SLURP1: variants seen among roughly 807,000 people sequenced by gnomAD.
SLURP1 encodes secreted Ly-6/uPAR-related protein 1.
Under a neutral mutation model 7.9 loss-of-function variants are expected in SLURP1, and 2 were observed. That is an observed-to-expected ratio of 0.25 (90% CI 0.10 to 0.79). The LOEUF (loss-of-function observed/expected upper bound fraction) is 0.79. Among genes scored for constraint, SLURP1 ranks in the 30% least tolerant of loss-of-function variants. The pLI is 0.69. For synonymous variants in SLURP1, 59 were observed against 54.9 expected, an observed-to-expected ratio of 1.07 and a Z score of -0.33; for missense variants, 111 against 139.8, an observed-to-expected ratio of 0.79 and a Z score of 1.04.
Position 142,741,122 on chromosome 8 carries a change from T to C in SLURP1, c.*21A>G. 6.2e-7 allele frequency: 1 copy of C among 1,601,372 alleles called. No individual in the cohort carries two copies. Among genetic ancestry groups the C allele is most frequent in the South Asian group, 1.1e-5 (1 of 91,068 alleles). On this transcript the variant is annotated 3_prime_UTR_variant, in exon 3 of 3. Coordinates refer to ENST00000246515, the MANE Select transcript of SLURP1 (RefSeq NM_020427.3). The surrounding 1 kb of genome is among the most constrained non-coding windows in gnomAD (Gnocchi z 4.3). ...AGAGAGGAGGTGCCTGAGGAGCACC[T>C]TCCGCCCTGCCGCCCTGGGTTCAGA...
In SLURP1 at chr8:142,741,129, C is replaced by G. The variant is rs886062732; in HGVS notation, c.*14G>C. On this transcript the variant is annotated 3_prime_UTR_variant, in exon 3 of 3. Coordinates refer to ENST00000246515, the MANE Select transcript of SLURP1 (RefSeq NM_020427.3). This position sits in a 1 kb window ranked among gnomAD's most constrained non-coding sequence, Gnocchi z 4.3. ...AGGTGCCTGAGGAGCACCTTCCGCCCTGCCGCCCTGGGTTCAGAGTTCCGA... is the reference window on the plus strand; with the variant it reads ...AGGTGCCTGAGGAGCACCTTCCGCCGTGCCGCCCTGGGTTCAGAGTTCCGA... 5 of 1,602,354 alleles carry G rather than the reference C, an allele frequency of 3.1e-6. No individual in the cohort carries two copies. Among genetic ancestry groups the G allele is most frequent in the Admixed American group, 1.7e-5 (1 of 59,988 alleles).
rs753829796 is a variant in SLURP1, at chr8:142,741,813, C to T, written c.168G>A (p.Thr56=). 20 of 1,612,050 alleles carry T rather than the reference C, an allele frequency of 1.2e-5. No homozygotes were observed. The East Asian group carries it at 1.3e-4, about 11-fold the overall frequency. ...GGGGCCTGGCCTCACCTGCCTCCAC[C>T]GTCACCAGCGTGGTCATGCAGGCTG... ...EDTACMTTLV[T]VEAEYPFNQS... is the part of the protein sequence containing the mutation. The change falls in exon 2 of 3, where the codon ACG becomes ACA. Residue 56 remains threonine, a synonymous_variant. Transcript: ENST00000246515. This position sits in a 1 kb window ranked among gnomAD's most constrained non-coding sequence, Gnocchi z 4.3.
intron 1 of SLURP1, 61 bp downstream of exon 1, chr8:142,742,267 C>A (rs1815883541): frequency 1.3e-6 from 2 of 1,563,046 alleles, no homozygotes; most frequent in African/African-American, 1.4e-5. Context: ...AGCCCCATCC[C>A]CCTAGGAGGT....
At position 142,741,194 on chromosome 8, in the gene SLURP1, G is replaced by A. The variant is rs62636564; in HGVS notation, c.261C>T (p.Ala87=). 3.4e-3 allele frequency: 5,502 copies of A among 1,609,822 alleles called. 156 individuals carry two copies. The African/African-American group carries it at 0.06, about 18-fold the overall frequency. Residue 87 remains alanine, a synonymous_variant, in exon 3 of 3, where the codon GCC becomes GCT. Transcript: ENST00000246515. The surrounding 1 kb of genome is among the most constrained non-coding windows in gnomAD (Gnocchi z 4.3). ...GGAAGCAGCAGAAGATCAGGTGGGCGGCCCCGATGCTGTCGGGGTCGGTGG... is the reference window on the plus strand; with the variant it reads ...GGAAGCAGCAGAAGATCAGGTGGGCAGCCCCGATGCTGTCGGGGTCGGTGG... The part of the protein sequence containing the change: ...CVATDPDSIG[A]AHLIFCCFRD...
rs772388665 is a variant in SLURP1, at chr8:142,741,175, A to T, written c.280T>A (p.Cys94Ser). 1.2e-6 allele frequency: 2 copies of T among 1,608,726 alleles called. No homozygotes were observed. The highest frequency in any genetic ancestry group is 1.7e-6 in the Non-Finnish European group (2 of 1,179,948). Residue 94 changes from cysteine (C) to serine (S), a missense_variant, in exon 3 of 3, where the codon TGC becomes AGC. By Grantham distance (112) the Cys-to-Ser change is moderately radical. Coordinates refer to ENST00000246515, the MANE Select transcript of SLURP1 (RefSeq NM_020427.3). The surrounding 1 kb of genome is among the most constrained non-coding windows in gnomAD (Gnocchi z 4.3). ...SIGAAHLIFC[C>S]FRDLCNSEL ...TCCGAGTTGCAGAGGTCTCGGAAGC[A>T]GCAGAAGATCAGGTGGGCGGCCCCG...
Position 142,741,325 on chromosome 8 carries a change from C to A in SLURP1, c.179-49G>T, listed in dbSNP as rs113250740. ...ACCCTCACTCCCCTGCAGCGCCTGC[C>A]TGCTGCTGCACTGCTCCCAGCCGCC... On this transcript the variant is annotated intron_variant, in intron 2 of 2. Transcript: ENST00000246515. The surrounding 1 kb of genome is among the most constrained non-coding windows in gnomAD (Gnocchi z 4.3). 2 of 1,539,734 alleles carry A rather than the reference C, an allele frequency of 1.3e-6. No individual in the cohort carries two copies. The highest frequency in any genetic ancestry group is 1.2e-5 in the South Asian group (1 of 84,282).
rs760550123 is a variant in SLURP1 at position 142,741,809 on chromosome 8, C to T, written c.172G>A (p.Glu58Lys). Reference protein sequence around the residue: ...TACMTTLVTVEAEYPFNQSPV... With the variant: ...TACMTTLVTVKAEYPFNQSPV... ...CCGTGGGGCCTGGCCTCACCTGCCT[C>T]CACCGTCACCAGCGTGGTCATGCAG... The change falls in exon 2 of 3, where the codon GAG becomes AAG. Residue 58 changes from glutamate (E) to lysine (K), a missense_variant. Transcript: ENST00000246515. The surrounding 1 kb of genome is among the most constrained non-coding windows in gnomAD (Gnocchi z 4.3). 6.2e-7 allele frequency: 1 copy of T among 1,611,982 alleles called. No individual in the cohort carries two copies. Among genetic ancestry groups the T allele is most frequent in the Non-Finnish European group, 8.5e-7 (1 of 1,179,992 alleles).
rs191817335 is a variant in SLURP1 at position 142,740,975 on chromosome 8, G to A, written c.*168C>T. On this transcript the variant is annotated 3_prime_UTR_variant, in exon 3 of 3. Coordinates refer to ENST00000246515, the MANE Select transcript of SLURP1 (RefSeq NM_020427.3). Reference sequence around the variant, plus strand: ...CTTGGCTTAGTTATGTTTTATAAGCGTGGGGTATGGAAGGCAGAGGGCGCC... The same window carrying A: ...CTTGGCTTAGTTATGTTTTATAAGCATGGGGTATGGAAGGCAGAGGGCGCC... The A allele has an allele frequency of 3.5e-5, 31 of 896,206 alleles. No homozygotes were observed. Among genetic ancestry groups the A allele is most frequent in the Middle Eastern group, 3.2e-4 (1 of 3,172 alleles). The allele number at this position is 896,206 out of a possible 1,614,324, so 55.5% of individuals were successfully genotyped here. A position where few individuals can be genotyped will look rare whatever the true frequency, so the allele number is the denominator to read the frequency against.
Position 142,741,382 on chromosome 8 carries a change from G to C in SLURP1, c.179-106C>G. 2.8e-6 allele frequency: 4 copies of C among 1,434,178 alleles called. No individual in the cohort carries two copies. Among genetic ancestry groups the C allele is most frequent in the Non-Finnish European group, 3.7e-6 (4 of 1,073,590 alleles). 88.8% of individuals were successfully genotyped at this position (1,434,178 alleles called of 1,614,324 possible). A position where few individuals can be genotyped will look rare whatever the true frequency, so the allele number is the denominator to read the frequency against. On this transcript the variant is annotated intron_variant, in intron 2 of 2. Coordinates refer to ENST00000246515, the MANE Select transcript of SLURP1 (RefSeq NM_020427.3). The surrounding 1 kb of genome is among the most constrained non-coding windows in gnomAD (Gnocchi z 4.3). Reference sequence around the variant, plus strand: ...TGACCTCACCCTCCCTGTGATCCCTGTTCCCAATAGTCCACATCTGTGAAG... The same window carrying C: ...TGACCTCACCCTCCCTGTGATCCCTCTTCCCAATAGTCCACATCTGTGAAG...
rs1815865360 is a variant in SLURP1, at chr8:142,741,361, C to T, written c.179-85G>A. The stretch of plus-strand genomic sequence containing the variant: ...CTGCTCCCAGCCGCCGTCGCCTGAC[C>T]TCACCCTCCCTGTGATCCCTGTTCC... On this transcript the variant is annotated intron_variant, in intron 2 of 2. Coordinates refer to ENST00000246515, the MANE Select transcript of SLURP1 (RefSeq NM_020427.3). The surrounding 1 kb of genome is among the most constrained non-coding windows in gnomAD (Gnocchi z 4.3). 28 of 1,490,758 alleles carry T rather than the reference C, an allele frequency of 1.9e-5. No individual in the cohort carries two copies. In the South Asian group the frequency reaches 3.5e-4, roughly 18 times the overall value. The allele number at this position is 1,490,758 out of a possible 1,614,324, so 92.3% of individuals were successfully genotyped here. A position where few individuals can be genotyped will look rare whatever the true frequency, so the allele number is the denominator to read the frequency against.
In SLURP1 at chr8:142,741,793, C is replaced by G. The variant is rs770414193; in HGVS notation, c.178+10G>C. 4.3e-6 allele frequency: 7 copies of G among 1,610,322 alleles called. No homozygotes were observed. In the Admixed American group the frequency reaches 1.0e-4, roughly 23 times the overall value. ...AGTGCACCCAGGGCTGCCGTGGGGC[C>G]TGGCCTCACCTGCCTCCACCGTCAC... On this transcript the variant is annotated intron_variant, in intron 2 of 2. Coordinates refer to ENST00000246515, the MANE Select transcript of SLURP1 (RefSeq NM_020427.3). The surrounding 1 kb of genome is among the most constrained non-coding windows in gnomAD (Gnocchi z 4.3).
chr8:142,740,993 AG>A lies in SLURP1; in HGVS notation c.*149del. ...TATAAGCGTGGGGTATGGAAGGCAG[AG>A]GGCGCCCCTGGTGTGCTTCTCTCCC... On this transcript the variant is annotated 3_prime_UTR_variant, in exon 3 of 3. Transcript: ENST00000246515. 2 of 1,137,302 alleles carry A rather than the reference AG, an allele frequency of 1.8e-6. No individual in the cohort carries two copies. Among genetic ancestry groups the A allele is most frequent in the Non-Finnish European group, 2.5e-6 (2 of 784,448 alleles). 70.5% of individuals were successfully genotyped at this position (1,137,302 alleles called of 1,614,324 possible).
In SLURP1 at chr8:142,741,219, GC is replaced by G; in HGVS notation, c.235del (p.Ala79ProfsTer12). 1 of 1,610,384 alleles carries G rather than the reference GC, an allele frequency of 6.2e-7. No homozygotes were observed. On this transcript the variant is annotated frameshift_variant, in exon 3 of 3. Coordinates refer to ENST00000246515, the MANE Select transcript of SLURP1 (RefSeq NM_020427.3). LOFTEE classifies it low-confidence loss of function (END_TRUNC). This position sits in a 1 kb window ranked among gnomAD's most constrained non-coding sequence, Gnocchi z 4.3. ...GGCCCCGATGCTGTCGGGGTCGGTG[GC>G]CACACAGGAGCTGGAGCAGGAGCGG... ...VTRSCSSSCV[A>X]TDPDSIGAAH...
rs774387796 is a variant in SLURP1, at chr8:142,741,805, G to T, written c.176C>A (p.Ala59Glu). The T allele has an allele frequency of 3.1e-6, 5 of 1,611,570 alleles. No individual in the cohort carries two copies. In the East Asian group the frequency reaches 1.1e-4, roughly 36 times the overall value. ...GCTGCCGTGGGGCCTGGCCTCACCT[G>T]CCTCCACCGTCACCAGCGTGGTCAT... is the stretch of plus-strand genomic sequence containing the variant. ...ACMTTLVTVE[A>E]EYPFNQSPVV... Residue 59 changes from alanine (A) to glutamate (E), a missense_variant and splice_region_variant, in exon 2 of 3, where the codon GCA (alanine) becomes GAA (glutamate). Physicochemically the swap from Ala to Glu is moderately radical, Grantham distance 107. Transcript: ENST00000246515. This position sits in a 1 kb window ranked among gnomAD's most constrained non-coding sequence, Gnocchi z 4.3.
Position 142,741,063 on chromosome 8 carries a change from G to A in SLURP1, c.*80C>T. The A allele has an allele frequency of 3.8e-6, 6 of 1,586,698 alleles. No homozygotes were observed. Among genetic ancestry groups the A allele is most frequent in the Non-Finnish European group, 5.1e-6 (6 of 1,169,830 alleles). On this transcript the variant is annotated 3_prime_UTR_variant, in exon 3 of 3. Coordinates refer to ENST00000246515, the MANE Select transcript of SLURP1 (RefSeq NM_020427.3). The surrounding 1 kb of genome is among the most constrained non-coding windows in gnomAD (Gnocchi z 4.3). ...GCTGTGCCACAGCAGCAGGAAGCAG[G>A]GGGAGGTGATCACAGGTGGAGCCAG... is the stretch of plus-strand genomic sequence containing the variant.
rs1187102971 is a variant in SLURP1 at position 142,741,366 on chromosome 8, C to T, written c.179-90G>A. The stretch of plus-strand genomic sequence containing the variant: ...CCCAGCCGCCGTCGCCTGACCTCAC[C>T]CTCCCTGTGATCCCTGTTCCCAATA... On this transcript the variant is annotated intron_variant, in intron 2 of 2. Coordinates refer to ENST00000246515, the MANE Select transcript of SLURP1 (RefSeq NM_020427.3). This position sits in a 1 kb window ranked among gnomAD's most constrained non-coding sequence, Gnocchi z 4.3. 2 of 1,484,274 alleles carry T rather than the reference C, an allele frequency of 1.3e-6. No individual in the cohort carries two copies. Among genetic ancestry groups the T allele is most frequent in the Admixed American group, 2.1e-5 (1 of 48,738 alleles). The allele number at this position is 1,484,274 out of a possible 1,614,324, so 91.9% of individuals were successfully genotyped here. A position where few individuals can be genotyped will look rare whatever the true frequency, so the allele number is the denominator to read the frequency against.
chr8:142,742,141 C>T (rs942780939), intron 1 of SLURP1, among the ~76,000 whole-genome samples, 187 bp downstream of exon 1: 11 of 152,168 alleles, frequency 7.2e-5, no homozygotes, highest in Non-Finnish European at 1.0e-4. Flanking sequence ...AGAGTGGAGC[C>T]GTGACCCCTG....
At position 142,741,191 on chromosome 8, in the gene SLURP1, G is replaced by A; in HGVS notation, c.264C>T (p.Ala88=). The A allele has an allele frequency of 6.2e-7, 1 of 1,609,622 alleles. No homozygotes were observed. Among genetic ancestry groups the A allele is most frequent in the East Asian group, 2.2e-5 (1 of 44,870 alleles). The change falls in exon 3 of 3, where the codon GCC becomes GCT. Residue 88 remains alanine (A), a synonymous_variant. Coordinates refer to ENST00000246515, the MANE Select transcript of SLURP1 (RefSeq NM_020427.3). This position sits in a 1 kb window ranked among gnomAD's most constrained non-coding sequence, Gnocchi z 4.3. The part of the protein sequence containing the change: ...VATDPDSIGA[A]HLIFCCFRDL... ...CTCGGAAGCAGCAGAAGATCAGGTG[G>A]GCGGCCCCGATGCTGTCGGGGTCGG...
At position 142,741,373 on chromosome 8, in the gene SLURP1, GTGATCCCTGTTCCCAA is replaced by G; in HGVS notation, c.179-113_179-98del. Reference sequence around the variant, plus strand: ...GCCGTCGCCTGACCTCACCCTCCCTGTGATCCCTGTTCCCAATAGTCCACATCTGTGAAGCCACCCA... The same window carrying G: ...GCCGTCGCCTGACCTCACCCTCCCTGTAGTCCACATCTGTGAAGCCACCCA... On this transcript the variant is annotated intron_variant, in intron 2 of 2. Transcript: ENST00000246515. This position sits in a 1 kb window ranked among gnomAD's most constrained non-coding sequence, Gnocchi z 4.3. 6.8e-7 allele frequency: 1 copy of G among 1,465,368 alleles called. No individual in the cohort carries two copies. The highest frequency in any genetic ancestry group is 1.3e-5 in the South Asian group (1 of 76,286). 90.8% of individuals were successfully genotyped at this position (1,465,368 alleles called of 1,614,324 possible). A position where few individuals can be genotyped will look rare whatever the true frequency, so the allele number is the denominator to read the frequency against.
Sources: allele counts gnomAD v4.1 joint callset (sites outside exome capture counted in the v4.1 genomes callset), GRCh38; gene constraint gnomAD v4.1.1; non-coding constraint Gnocchi (gnomAD v3.1); transcripts MANE v1.5; gene names NCBI Gene and HGNC (gene_info 2026-07-23, HGNC 2026-07-21).